The following ATP2B1 variants were observed in gnomAD, a reference collection of about 807,000 sequenced individuals.
ATP2B1 encodes ATPase plasma membrane Ca2+ transporting 1.
In ATP2B1, 14 loss-of-function variants were observed where a neutral mutation model predicts 124.2. The observed-to-expected ratio is 0.11, with a 90% confidence interval of 0.07 to 0.18. The LOEUF is 0.18. Among genes scored for constraint, ATP2B1 ranks in the 10% least tolerant of loss-of-function variants. The probability of loss-of-function intolerance (pLI) is 1.00; values close to 1 mark genes in which losing one functional copy is unlikely to be tolerated. For synonymous variants in ATP2B1, 449 were observed against 492.4 expected, an observed-to-expected ratio of 0.91 and a Z score of 1.17; for missense variants, 763 against 1,466.1, an observed-to-expected ratio of 0.52 and a Z score of 7.83.
chr12:89,590,022 G>T lies in ATP2B1; in HGVS notation c.*962C>A, dbSNP rs1873269844. On this transcript the variant is annotated 3_prime_UTR_variant, in exon 21 of 21. Coordinates refer to ENST00000428670, the MANE Select transcript of ATP2B1 (RefSeq NM_001366521.1). Reference sequence around the variant, plus strand: ...TTAGACAAAAACAAAAAAGACTAAGGTTCTCTTGTAGTTTGATAGTCTGAT... The same window carrying T: ...TTAGACAAAAACAAAAAAGACTAAGTTTCTCTTGTAGTTTGATAGTCTGAT... The T allele has an allele frequency of 6.6e-6, 1 of 152,506 alleles. No individual in the cohort carries two copies. Among genetic ancestry groups the T allele is most frequent in the Middle Eastern group, 3.4e-3 (1 of 294 alleles). The allele number at this position is 152,506 out of a possible 1,614,324, so 9.4% of individuals were successfully genotyped here.
At position 89,604,339 on chromosome 12, in the gene ATP2B1, G is replaced by A; in HGVS notation, c.2450C>T (p.Ala817Val). 2 of 1,583,254 alleles carry A rather than the reference G, an allele frequency of 1.3e-6. No individual in the cohort carries two copies. Among genetic ancestry groups the A allele is most frequent in the Non-Finnish European group, 8.6e-7 (1 of 1,168,522 alleles). Residue 817 changes from alanine (A) to valine (V), a missense_variant, in exon 16 of 21, where the codon GCT (alanine) becomes GTT (valine). Physicochemically the swap from Ala to Val is moderately conservative, Grantham distance 64. Around this residue, in one of 7 missense-constraint regions of ATP2B1, gnomAD observed 51 missense variants for 192.8 expected, o/e 0.26. Transcript: ENST00000428670. ...TGCTTCTTTAGCTACATCAGTTCCA[G>A]CAATACCCTGTTAAAAAAAATTTTG... ...KADVGFAMGI[A>V]GTDVAKEASD... is the part of the protein sequence containing the mutation.
chr12:89,688,602 C>G (rs1890215599), intron 1 of ATP2B1, among the ~76,000 whole-genome samples: 1 of 152,068 alleles, frequency 6.6e-6, no homozygotes, highest in Non-Finnish European at 1.5e-5. Context: ...ATAGGTGGCA[C>G]TACATACAGC....
chr12:89,672,779 T>C (rs1249437041), intron 1 of ATP2B1, among the ~76,000 whole-genome samples: 2 of 152,206 alleles, frequency 1.3e-5, no homozygotes, highest in Non-Finnish European at 2.9e-5. Flanking sequence ...TATAGATTTA[T>C]ATTTATAAAC....
chr12:89,677,971 T>C (rs11105367), intron 1 of ATP2B1, among the ~76,000 whole-genome samples: 19,612 of 50,942 alleles, frequency 0.38, 3,093 homozygotes, highest in Admixed American at 0.46. Flanking sequence ...TATATATATA[T>C]ACACACACAC....
intron 2 of ATP2B1, among the ~76,000 whole-genome samples, chr12:89,652,573 C>T (rs913878707): frequency 1.3e-5 from 2 of 152,160 alleles, no homozygotes; most frequent in African/African-American, 4.8e-5. Flanking sequence ...TAGTTCATTT[C>T]CTTGGACGTA....
chr12:89,672,928 G>C (rs912460662), intron 1 of ATP2B1, among the ~76,000 whole-genome samples: 1 of 152,200 alleles, frequency 6.6e-6, no homozygotes, highest in South Asian at 2.1e-4. Context: ...CTGGATATTT[G>C]TATTTTCCTT....
rs1872951811 is a variant in ATP2B1 at position 89,588,140 on chromosome 12, T to C, written c.*2844A>G. On this transcript the variant is annotated 3_prime_UTR_variant, in exon 21 of 21. Coordinates refer to ENST00000428670, the MANE Select transcript of ATP2B1 (RefSeq NM_001366521.1). The stretch of plus-strand genomic sequence containing the variant: ...ATAATAAAAGGCTCAGTGGCTAAAA[T>C]AGATGGTAAGCATCATTGAAAGAAA... The C allele has an allele frequency of 2.0e-5, 3 of 152,630 alleles. No individual in the cohort carries two copies. The highest frequency in any genetic ancestry group is 2.1e-4 in the South Asian group (1 of 4,838). The allele number at this position is 152,630 out of a possible 1,614,324, so 9.5% of individuals were successfully genotyped here.
At chr12:89,591,449 A>C (rs918795809) in intron 20 of ATP2B1, among the ~76,000 whole-genome samples, 154 bp from the exon 21 acceptor site, 2 of 152,084 alleles carry the variant, frequency 1.3e-5, no homozygotes, top group African/African-American at 4.8e-5. Flanking sequence ...AAAAAAATGA[A>C]TATTTTAGTA....
At chr12:89,665,585 T>C (rs1887217066) in intron 1 of ATP2B1, among the ~76,000 whole-genome samples, 1 of 152,206 alleles carries the variant, frequency 6.6e-6, no homozygotes, top group South Asian at 2.1e-4. Context: ...TTACCAAATA[T>C]AAGAACATAC....
chr12:89,700,083 T>C (rs1891657062), intron 1 of ATP2B1, among the ~76,000 whole-genome samples: 1 of 150,748 alleles, frequency 6.6e-6, no homozygotes, highest in East Asian at 1.9e-4. Flanking sequence ...CAGACTCCTG[T>C]GGTCAAGCAA....
chr12:89,605,941 C>A (rs1476081612), intron 15 of ATP2B1, among the ~76,000 whole-genome samples: 1 of 151,916 alleles, frequency 6.6e-6, no homozygotes, highest in Non-Finnish European at 1.5e-5. Flanking sequence ...TAGTTAAGTA[C>A]ATAGAAAAAC....
At chr12:89,627,770 G>C in intron 6 of ATP2B1, 54 bp from the exon 7 acceptor site, 1 of 1,539,898 alleles carries the variant, frequency 6.5e-7, no homozygotes, top group Non-Finnish European at 9.0e-7. Context: ...ATACAGCCAT[G>C]CTAAATTATG....
intron 1 of ATP2B1, among the ~76,000 whole-genome samples, chr12:89,683,978 G>A (rs766163777): frequency 1.3e-5 from 2 of 152,008 alleles, no homozygotes; most frequent in Non-Finnish European, 1.5e-5. Context: ...ATGCAGAATG[G>A]CCAAATACCA....
At chr12:89,663,065 AC>A (rs1277512779) in intron 1 of ATP2B1, among the ~76,000 whole-genome samples, 3 of 152,240 alleles carry the variant, frequency 2.0e-5, no homozygotes, top group Non-Finnish European at 2.9e-5. Flanking sequence ...ACTGTCTGGA[AC>A]ATAGTAGGTA....
intron 1 of ATP2B1, among the ~76,000 whole-genome samples, chr12:89,697,243 T>C (rs1200765134): frequency 6.6e-6 from 1 of 152,192 alleles, no homozygotes; most frequent in East Asian, 1.9e-4. Context: ...TGTCTTTATA[T>C]GTCTTTATGA....
intron 1 of ATP2B1, among the ~76,000 whole-genome samples, chr12:89,678,209 A>C (rs1319610839): frequency 5.3e-5 from 8 of 151,612 alleles, no homozygotes; most frequent in Admixed American, 5.3e-4. Flanking sequence ...TCCCTAAAAA[A>C]CCCCCAATAA....
At chr12:89,613,349 A>C (rs1425737018) in intron 12 of ATP2B1, among the ~76,000 whole-genome samples, 1 of 152,184 alleles carries the variant, frequency 6.6e-6, no homozygotes, top group African/African-American at 2.4e-5. Flanking sequence ...TTTATCTATA[A>C]GTTTTAAGAT....
intron 1 of ATP2B1, among the ~76,000 whole-genome samples, chr12:89,678,585 T>C (rs1051758155): frequency 6.6e-6 from 1 of 152,120 alleles, no homozygotes; most frequent in Non-Finnish European, 1.5e-5. Context: ...ATTTAGACAA[T>C]GGGATACAGC....
intron 2 of ATP2B1, among the ~76,000 whole-genome samples, chr12:89,650,303 G>C (rs534461583): frequency 6.6e-6 from 1 of 152,176 alleles, no homozygotes; most frequent in Non-Finnish European, 1.5e-5. Flanking sequence ...AATTTCAAAA[G>C]AGGAGGCAAT....
Sources: gnomAD v4.1 joint callset for allele counts (sites outside exome capture counted in the v4.1 genomes callset) on GRCh38, gnomAD v4.1.1 for gene constraint, gnomAD v4.1.1 regional missense constraint, MANE v1.5 for transcripts, NCBI Gene and HGNC (gene_info 2026-07-23, HGNC 2026-07-21) for gene names.